Variants in CPLX2 observed in about 807,000 individuals in gnomAD.
CPLX2 encodes complexin 2.
A neutral mutation model predicts 16.3 loss-of-function variants in CPLX2; 5 were observed. That is an observed-to-expected ratio of 0.31 (90% CI 0.16 to 0.64). CPLX2 has a LOEUF of 0.64. CPLX2 is among the 30% of genes least tolerant of loss of function. CPLX2 has a pLI of 0.79. For synonymous variants in CPLX2, 89 were observed against 73.2 expected (o/e 1.22, Z -1.10); for missense variants, 144 against 181.4 (o/e 0.79, Z 1.18).
At chr5:175,870,142 A>G (rs1378105822), upstream of CPLX2, among the ~76,000 whole-genome samples, 1 of 152,202 alleles carries the variant, frequency 6.6e-6, no homozygotes, top group Non-Finnish European at 1.5e-5. Context: ...GGGAAGAAAA[A>G]TAAAGAATAA....
At chr5:175,864,142 T>C (rs890837805) in intron 2 of CPLX2, among the ~76,000 whole-genome samples, 1 of 148,670 alleles carries the variant, frequency 6.7e-6, no homozygotes. Flanking sequence ...ATTGTTTGAT[T>C]AGAGCCACAC....
At chr5:175,846,930 C>T (rs1759053314) in intron 2 of CPLX2, among the ~76,000 whole-genome samples, 1 of 152,194 alleles carries the variant, frequency 6.6e-6, no homozygotes, top group Non-Finnish European at 1.5e-5. Context: ...GGCAGTTAGA[C>T]CAAGCTGGGC....
rs934259432 is a variant in CPLX2, at chr5:175,797,005, T to C, written c.-169+221T>C. On this transcript the variant is annotated intron_variant, in intron 1 of 4. Transcript: ENST00000359546. The stretch of plus-strand genomic sequence containing the variant: ...GCTCCAGCACCATCTCGGGGACAGC[T>C]CCCGCGCCGCACCGGGTCCCTATCG... Among the ~76,000 whole-genome samples the C allele has an allele frequency of 2.6e-5, 4 of 151,946 alleles. No homozygotes were observed. The South Asian group carries it at 6.2e-4, about 24-fold the overall frequency.
intron 2 of CPLX2, among the ~76,000 whole-genome samples, chr5:175,838,417 A>G (rs59487996): frequency 0.16 from 23,721 of 151,706 alleles, 2,192 homozygotes; most frequent in East Asian, 0.29. Flanking sequence ...ACAGGCGCCC[A>G]CCACCAAGCC....
intron 1 of CPLX2, among the ~76,000 whole-genome samples, chr5:175,801,040 G>A (rs541261290): frequency 3.3e-5 from 5 of 152,214 alleles, no homozygotes; most frequent in South Asian, 4.1e-4. Context: ...AGCAGCAGCC[G>A]CCAGGGGCAG....
chr5:175,881,568 C>A lies in CPLX2; in HGVS notation c.*1523C>A, dbSNP rs1332790756. ...AGAGACATTTGAAGGCTGCTGTGTG[C>A]ATGTTTGGGGGTCTGAAAAGACAGT... On this transcript the variant is annotated 3_prime_UTR_variant, in exon 4 of 4. Transcript: ENST00000393745. 1 of 152,928 alleles carries A rather than the reference C, an allele frequency of 6.5e-6. No homozygotes were observed. The highest frequency in any genetic ancestry group is 1.5e-5 in the Non-Finnish European group (1 of 68,132). The allele number at this position is 152,928 out of a possible 1,614,324, so 9.5% of individuals were successfully genotyped here. A position where few individuals can be genotyped will look rare whatever the true frequency, so the allele number is the denominator to read the frequency against.
Position 175,880,020 on chromosome 5 carries a change from C to T in CPLX2, c.380C>T (p.Pro127Leu), listed in dbSNP as rs1434610082. ...LDTVLKYLPGPLQDMFKK is the reference protein window; with the variant it reads ...LDTVLKYLPGLLQDMFKK ...ACGGTGCTCAAATACCTGCCCGGGC[C>T]GCTGCAGGACATGTTCAAGAAGTAA... is the stretch of plus-strand genomic sequence containing the variant. Residue 127 changes from proline (P) to leucine (L), a missense_variant, in exon 4 of 4, where the codon CCG (proline) becomes CTG (leucine). Transcript: ENST00000393745. The T allele has an allele frequency of 1.9e-6, 3 of 1,613,488 alleles. No homozygotes were observed. The highest frequency in any genetic ancestry group is 1.1e-5 in the South Asian group (1 of 90,864).
chr5:175,880,355 C>T lies in CPLX2; in HGVS notation c.*310C>T. On this transcript the variant is annotated 3_prime_UTR_variant, in exon 4 of 4. Coordinates refer to ENST00000393745, the MANE Select transcript of CPLX2 (RefSeq NM_001008220.2). ...TGACCCCCATACATTCCTCCCTGCT[C>T]CCCACTGCCAGGAGGACCACTGTCC... 1 of 431,640 alleles carries T rather than the reference C, an allele frequency of 2.3e-6. No individual in the cohort carries two copies. The highest frequency in any genetic ancestry group is 4.4e-6 in the Non-Finnish European group (1 of 229,352). 26.7% of individuals were successfully genotyped at this position (431,640 alleles called of 1,614,324 possible).
At chr5:175,835,524 C>A (rs1758812942) in intron 2 of CPLX2, among the ~76,000 whole-genome samples, 1 of 152,114 alleles carries the variant, frequency 6.6e-6, no homozygotes, top group Admixed American at 6.5e-5. Flanking sequence ...AGGCCAATAT[C>A]CCTCATGAAC....
chr5:175,866,356 A>ATG (rs2113696186), intron 2 of CPLX2, among the ~76,000 whole-genome samples: 1 of 152,360 alleles, frequency 6.6e-6, no homozygotes, highest in South Asian at 2.1e-4. Context: ...GAAGTCATAA[A>ATG]TGAGAGTTGG....
chr5:175,879,011 G>T lies in CPLX2; in HGVS notation c.135G>T (p.Glu45Asp). Reference sequence around the variant, plus strand: ...GGCAGGAGGCGCTGCGGCAGCAGGAGGAGGAGCGTAAGGCCAAGCACGCGC... The same window carrying T: ...GGCAGGAGGCGCTGCGGCAGCAGGATGAGGAGCGTAAGGCCAAGCACGCGC... ...EERQEALRQQEEERKAKHARM... is the reference protein window; with the variant it reads ...EERQEALRQQDEERKAKHARM... The change falls in exon 3 of 4, where the codon GAG becomes GAT. Residue 45 changes from glutamate (E) to aspartate (D), a missense_variant. Coordinates refer to ENST00000393745, the MANE Select transcript of CPLX2 (RefSeq NM_001008220.2). The T allele has an allele frequency of 1.3e-6, 2 of 1,596,208 alleles. No homozygotes were observed. The highest frequency in any genetic ancestry group is 1.7e-6 in the Non-Finnish European group (2 of 1,171,870).
In CPLX2 at chr5:175,841,805, G is replaced by A. The variant is rs1758949640; in HGVS notation, c.-89+32737G>A. ...CTCCTGCCTGGGTGGGAGTGACCTT[G>A]GACAAGTCTTCTTTTCTATAAGCCT... On this transcript the variant is annotated intron_variant, in intron 2 of 4. Coordinates refer to the CPLX2 transcript ENST00000359546. 2.6e-5 allele frequency among the ~76,000 whole-genome samples: 4 copies of A among 152,316 alleles called. No homozygotes were observed. The South Asian group carries it at 8.3e-4, about 32-fold the overall frequency.
Position 175,860,526 on chromosome 5 carries a change from AAGAAAGAAAGAAAGATAGAT to A in CPLX2, c.-88-18110_-88-18091del, listed in dbSNP as rs1561786429. 3.7e-4 allele frequency among the ~76,000 whole-genome samples: 15 copies of A among 40,498 alleles called. No homozygotes were observed. In the East Asian group the frequency reaches 6.8e-3, roughly 18 times the overall value. The allele number at this position is 40,498 out of a possible 152,430, so 26.6% of individuals were successfully genotyped here. The stretch of plus-strand genomic sequence containing the variant: ...AGAAAGAAAGAAAGAAAAAGAAAGA[AAGAAAGAAAGAAAGATAGAT>A]AGAAAGAAAGAAAGAAAAAGAAGGG... On this transcript the variant is annotated intron_variant, in intron 2 of 4. Coordinates refer to the CPLX2 transcript ENST00000359546.
rs1404559194 is a variant in CPLX2, at chr5:175,849,091, G to T, written c.-88-29561G>T. Among the ~76,000 whole-genome samples, 1 of 152,190 alleles carries T rather than the reference G, an allele frequency of 6.6e-6. No homozygotes were observed. Among genetic ancestry groups the T allele is most frequent in the East Asian group, 1.9e-4 (1 of 5,196 alleles). On this transcript the variant is annotated intron_variant, in intron 2 of 4. Coordinates refer to the CPLX2 transcript ENST00000359546. The surrounding 1 kb of genome is among the most constrained non-coding windows in gnomAD (Gnocchi z 4.4). ...TCGTGATCTAACTTACACTTCTCAG[G>T]ATCCCTCCTCTGCTGTGGGAGGCTG...
intron 2 of CPLX2, among the ~76,000 whole-genome samples, chr5:175,840,064 C>T (rs1758918782): frequency 6.6e-6 from 1 of 152,114 alleles, no homozygotes; most frequent in Non-Finnish European, 1.5e-5. Flanking sequence ...CTCAGAAAGG[C>T]CAAATTTATC....
intron 2 of CPLX2, among the ~76,000 whole-genome samples, chr5:175,825,523 T>C (rs1758596910): frequency 6.6e-6 from 1 of 152,172 alleles, no homozygotes; most frequent in Admixed American, 6.5e-5. Flanking sequence ...TGAGATCTGA[T>C]TGCTTCTGTC....
intron 2 of CPLX2, among the ~76,000 whole-genome samples, chr5:175,856,621 G>A (rs1163744434): frequency 6.6e-6 from 1 of 152,194 alleles, no homozygotes; most frequent in Non-Finnish European, 1.5e-5. Context: ...TGTGGGCTGC[G>A]GCATGCGAGA....
upstream of CPLX2, among the ~76,000 whole-genome samples, chr5:175,866,948 G>T (rs1759489322): frequency 2.0e-5 from 3 of 152,190 alleles, no homozygotes; most frequent in South Asian, 2.1e-4. Flanking sequence ...GCTTGGTGGT[G>T]CACCCCTGTA....
At chr5:175,867,985 C>A (rs900450120), upstream of CPLX2, among the ~76,000 whole-genome samples, 3 of 152,226 alleles carry the variant, frequency 2.0e-5, no homozygotes, top group African/African-American at 7.2e-5. Flanking sequence ...ACCACCCCCG[C>A]AGTTCTGTTT....
Sources: gnomAD v4.1 joint callset for allele counts (sites outside exome capture counted in the v4.1 genomes callset) on GRCh38, gnomAD v4.1.1 for gene constraint, Gnocchi (gnomAD v3.1) non-coding constraint, MANE v1.5 for transcripts, NCBI Gene and HGNC (gene_info 2026-07-23, HGNC 2026-07-21) for gene names.